UMAD1: variants seen among roughly 807,000 people sequenced by gnomAD.
The protein encoded by UMAD1 is UBAP1-MVB12-associated (UMA) domain containing 1.
UMAD1 carries 8 observed loss-of-function variants against 6.1 expected under a neutral mutation model. The ratio of observed to expected loss-of-function variants is 1.30; its 90% CI spans 0.76 to 2.35. The LOEUF is 2.35. Ranked by LOEUF, UMAD1 falls within the 30% of genes most tolerant of loss-of-function variation. UMAD1 has a pLI of 0.00. For synonymous variants in UMAD1, 56 were observed against 31.4 expected, an observed-to-expected ratio of 1.78 and a Z score of -2.61; for missense variants, 130 against 78.4, an observed-to-expected ratio of 1.66 and a Z score of -2.49.
At chr7:7,707,166 G>A (rs1285974478) in intron 2 of UMAD1, among the ~76,000 whole-genome samples, 2 of 152,088 alleles carry the variant, frequency 1.3e-5, no homozygotes, top group Non-Finnish European at 2.9e-5. Context: ...GGAATAAACA[G>A]GCAAAATCAG....
At chr7:7,744,409 G>T (rs1429414981) in intron 2 of UMAD1, among the ~76,000 whole-genome samples, 1 of 152,072 alleles carries the variant, frequency 6.6e-6, no homozygotes, top group Non-Finnish European at 1.5e-5. Flanking sequence ...GTGTAGACAT[G>T]TATTTTCATT....
intron 2 of UMAD1, among the ~76,000 whole-genome samples, chr7:7,774,641 A>G (rs1782165576): frequency 1.3e-5 from 2 of 152,218 alleles, no homozygotes. Flanking sequence ...AAATTTTACT[A>G]ACATAGATTC....
At chr7:7,847,100 AAAAAATATAT>A (rs1453286780) in intron 3 of UMAD1, among the ~76,000 whole-genome samples, 2 of 38,434 alleles carry the variant, frequency 5.2e-5, no homozygotes, top group African/African-American at 1.8e-4. Flanking sequence ...AAAAAAAAAA[AAAAAATATAT>A]ATATATATAT....
intron 3 of UMAD1, among the ~76,000 whole-genome samples, chr7:7,845,793 C>G (rs911770458): frequency 2.0e-5 from 3 of 152,124 alleles, no homozygotes; most frequent in African/African-American, 4.8e-5. Flanking sequence ...TTCAAATTTC[C>G]TTGCACACTT....
intron 1 of UMAD1, among the ~76,000 whole-genome samples, chr7:7,650,668 T>C (rs1400114860): frequency 6.6e-6 from 1 of 152,214 alleles, no homozygotes; most frequent in African/African-American, 2.4e-5. Flanking sequence ...TTTAAGCTGG[T>C]TAAAGTGGCA....
At chr7:7,688,714 T>C (rs1412442950) in intron 2 of UMAD1, among the ~76,000 whole-genome samples, 4 of 152,238 alleles carry the variant, frequency 2.6e-5, no homozygotes, top group African/African-American at 4.8e-5. Context: ...GCCTTTATTT[T>C]TGTATGTCTT....
At chr7:7,791,707 A>G (rs774212196) in intron 2 of UMAD1, among the ~76,000 whole-genome samples, 8 of 152,182 alleles carry the variant, frequency 5.3e-5, no homozygotes, top group Non-Finnish European at 7.3e-5. Context: ...TTAAGAGCAG[A>G]CCGGTAGGAC....
chr7:7,854,355 CAAAAAA>C (rs34829393), intron 3 of UMAD1, among the ~76,000 whole-genome samples: 2 of 49,164 alleles, frequency 4.1e-5, no homozygotes, highest in Non-Finnish European at 7.2e-5. Context: ...AGCTCCATCT[CAAAAAA>C]AAAAAAAAAA....
chr7:7,805,241 A>G (rs1782888742), intron 3 of UMAD1, among the ~76,000 whole-genome samples: 1 of 152,092 alleles, frequency 6.6e-6, no homozygotes, highest in African/African-American at 2.4e-5. Context: ...CTTAACCCAT[A>G]GAAGAACTAT....
intron 2 of UMAD1, among the ~76,000 whole-genome samples, chr7:7,748,421 C>T (rs2115215893): frequency 6.6e-6 from 1 of 151,990 alleles, no homozygotes; most frequent in South Asian, 2.1e-4. Context: ...GGTAGACTAA[C>T]AGTGATATTT....
chr7:7,790,322 G>T (rs562986919), intron 2 of UMAD1, among the ~76,000 whole-genome samples: 1 of 152,256 alleles, frequency 6.6e-6, no homozygotes, highest in South Asian at 2.1e-4. Context: ...GTGTTTATGC[G>T]GATGAAAACT....
chr7:7,660,440 C>T (rs570016063), intron 1 of UMAD1, among the ~76,000 whole-genome samples: 80 of 152,240 alleles, frequency 5.3e-4, no homozygotes, highest in African/African-American at 1.9e-3. Flanking sequence ...TGGCTGGTAC[C>T]TGTTGTTCCT....
intron 3 of UMAD1, among the ~76,000 whole-genome samples, chr7:7,806,794 GCC>G (rs1782925670): frequency 6.6e-6 from 1 of 152,076 alleles, no homozygotes; most frequent in African/African-American, 2.4e-5. Context: ...TAACTGGAAA[GCC>G]TCTAATTATT....
intron 3 of UMAD1, among the ~76,000 whole-genome samples, chr7:7,834,669 T>TTAGTGGGTGCAGCGCA (rs1583860476): frequency 6.6e-6 from 1 of 152,110 alleles, no homozygotes; most frequent in South Asian, 2.1e-4. Flanking sequence ...ACAAATCCCA[T>TTAGTGGGTGCAGCGCA]CATGAGGGCC....
chr7:7,750,143 A>T (rs933962995), intron 2 of UMAD1, among the ~76,000 whole-genome samples: 10 of 152,224 alleles, frequency 6.6e-5, no homozygotes, highest in Non-Finnish European at 1.0e-4. Context: ...ATCTTCTACT[A>T]CATATTAGCT....
intron 2 of UMAD1, among the ~76,000 whole-genome samples, chr7:7,725,377 A>G (rs530985441): frequency 5.3e-5 from 8 of 152,268 alleles, no homozygotes; most frequent in African/African-American, 1.9e-4. Context: ...GACCCAGCAG[A>G]TCCAATTGTG....
At chr7:7,781,406 G>T (rs1462709132) in intron 2 of UMAD1, among the ~76,000 whole-genome samples, 1 of 151,396 alleles carries the variant, frequency 6.6e-6, no homozygotes, top group Admixed American at 6.6e-5. Flanking sequence ...ATATACTGCT[G>T]CATTCTGGAA....
intron 1 of UMAD1, among the ~76,000 whole-genome samples, chr7:7,650,704 G>A (rs184371224): frequency 4.6e-5 from 7 of 152,366 alleles, no homozygotes; most frequent in East Asian, 3.9e-4. Flanking sequence ...AACGCACCTT[G>A]ATTTACTAAT....
At chr7:7,703,326 T>C (rs1281003536) in intron 2 of UMAD1, among the ~76,000 whole-genome samples, 1 of 152,222 alleles carries the variant, frequency 6.6e-6, no homozygotes, top group Non-Finnish European at 1.5e-5. Context: ...CAGTTTAAAT[T>C]GATCTTTTAT....
Sources: gnomAD v4.1 joint callset for allele counts (sites outside exome capture counted in the v4.1 genomes callset) on GRCh38, gnomAD v4.1.1 for gene constraint, MANE v1.5 for transcripts, NCBI Gene and HGNC (gene_info 2026-07-23, HGNC 2026-07-21) for gene names.